The following KCNK2 variants were observed in gnomAD, a reference collection of about 807,000 sequenced individuals.
The protein encoded by KCNK2 is potassium two pore domain channel subfamily K member 2, also known as potassium channel subfamily K member 2.
KCNK2 carries 21 observed loss-of-function variants against 40.5 expected under a neutral mutation model. That is an observed-to-expected ratio of 0.52 (90% CI 0.37 to 0.75). KCNK2 has a LOEUF of 0.75. Among genes scored for constraint, KCNK2 ranks in the 30% least tolerant of loss-of-function variants. KCNK2 has a pLI of 0.00. For missense variants in KCNK2, 399 were observed against 531.6 expected (o/e 0.75, Z 2.45); for synonymous variants, 191 against 202.2 (o/e 0.94, Z 0.47).
chr1:215,017,793 A>G (rs1258082632), intron 1 of KCNK2, among the ~76,000 whole-genome samples: 1 of 152,198 alleles, frequency 6.6e-6, no homozygotes, highest in Non-Finnish European at 1.5e-5. Context: ...CTTTTCCACA[A>G]TGTATACATA....
chr1:215,009,918 T>C (rs918266452), intron 1 of KCNK2, among the ~76,000 whole-genome samples: 2 of 152,084 alleles, frequency 1.3e-5, no homozygotes, highest in African/African-American at 4.8e-5. Flanking sequence ...TACAAAGGAG[T>C]CAATTACAAA....
At chr1:215,146,304 T>C (rs539883899) in intron 3 of KCNK2, among the ~76,000 whole-genome samples, 1 of 152,270 alleles carries the variant, frequency 6.6e-6, no homozygotes, top group Admixed American at 6.5e-5. Flanking sequence ...TGAATGTATC[T>C]TGCTACCAAA....
chr1:215,174,581 C>T (rs1482481700), intron 5 of KCNK2, among the ~76,000 whole-genome samples: 1 of 152,082 alleles, frequency 6.6e-6, no homozygotes, highest in Non-Finnish European at 1.5e-5. Flanking sequence ...ATTTTCATGT[C>T]ATTGATTCTT....
In KCNK2 at chr1:215,149,360, G is replaced by C. The variant is rs147977014; in HGVS notation, c.476-19839G>C. ...GTGGTGATAGATGCCATGAGTGTTC[G>C]GGAGAAGGAAAAGATTAAGGTATTC... On this transcript the variant is annotated intron_variant, in intron 3 of 6. Coordinates refer to ENST00000444842, the MANE Select transcript of KCNK2 (RefSeq NM_001017425.3). Among the ~76,000 whole-genome samples the C allele has an allele frequency of 4.7e-3, 722 of 152,204 alleles. 10 individuals are homozygous for C. The highest frequency in any genetic ancestry group is 0.017 in the African/African-American group (695 of 41,534).
chr1:215,103,883 AG>A (rs1660324055), intron 2 of KCNK2, among the ~76,000 whole-genome samples: 1 of 152,034 alleles, frequency 6.6e-6, no homozygotes, highest in South Asian at 2.1e-4. Flanking sequence ...CCCCTGATTC[AG>A]GATTAAATTG....
At chr1:215,016,238 G>A (rs957020983) in intron 1 of KCNK2, among the ~76,000 whole-genome samples, 1 of 152,000 alleles carries the variant, frequency 6.6e-6, no homozygotes, top group Admixed American at 6.6e-5. Flanking sequence ...TTCAGAGCAT[G>A]AAGCATACGG....
chr1:215,230,607 A>AAG (rs1306585003), intron 6 of KCNK2, among the ~76,000 whole-genome samples: 1 of 105,154 alleles, frequency 9.5e-6, no homozygotes, highest in Non-Finnish European at 2.1e-5. Context: ...ATATATATAT[A>AAG]GCCGTATATA....
intron 1 of KCNK2, among the ~76,000 whole-genome samples, chr1:215,051,278 C>T (rs1657977861): frequency 6.6e-6 from 1 of 152,048 alleles, no homozygotes; most frequent in Admixed American, 6.6e-5. Flanking sequence ...ATGGAAGGAA[C>T]AAAGTGTACT....
chr1:215,124,582 A>T (rs1480985961), intron 2 of KCNK2, 51 bp from the exon 3 acceptor site: 1 of 1,013,924 alleles, frequency 9.9e-7, no homozygotes, highest in Non-Finnish European at 1.6e-6. Flanking sequence ...ATGCTGTTTG[A>T]TGCCTCTGTG....
At chr1:215,045,953 A>T (rs915830212) in intron 1 of KCNK2, among the ~76,000 whole-genome samples, 5 of 152,218 alleles carry the variant, frequency 3.3e-5, no homozygotes, top group African/African-American at 9.6e-5. Flanking sequence ...CACATAGTAT[A>T]TTGTAAAAAT....
chr1:215,029,744 A>C (rs938770003), intron 1 of KCNK2, among the ~76,000 whole-genome samples: 2 of 151,810 alleles, frequency 1.3e-5, no homozygotes, highest in African/African-American at 4.8e-5. Flanking sequence ...AAACAAATTA[A>C]TATCATTAAA....
At chr1:215,033,260 C>A (rs1657268660) in intron 1 of KCNK2, among the ~76,000 whole-genome samples, 1 of 146,868 alleles carries the variant, frequency 6.8e-6, no homozygotes, top group Non-Finnish European at 1.5e-5. Flanking sequence ...CTTATATTGT[C>A]TCTGTTCTTA....
At chr1:215,011,895 C>G (rs529412522) in intron 1 of KCNK2, among the ~76,000 whole-genome samples, 8 of 148,564 alleles carry the variant, frequency 5.4e-5, no homozygotes, top group African/African-American at 2.0e-4. Flanking sequence ...CGTGAGTCAC[C>G]GTGCCCGGCC....
intron 3 of KCNK2, among the ~76,000 whole-genome samples, chr1:215,150,779 C>T (rs183017328): frequency 1.3e-5 from 2 of 151,718 alleles, no homozygotes; most frequent in East Asian, 3.9e-4. Context: ...CAATATTCTC[C>T]TTTATTTACT....
intron 1 of KCNK2, among the ~76,000 whole-genome samples, chr1:215,084,212 A>T (rs1189792942): frequency 7.5e-6 from 1 of 134,170 alleles, no homozygotes; most frequent in Non-Finnish European, 1.6e-5. Context: ...ACACACACAC[A>T]CACACACTCT....
At chr1:215,220,146 GTTTAT>G (rs1666113196) in intron 6 of KCNK2, among the ~76,000 whole-genome samples, 1 of 152,128 alleles carries the variant, frequency 6.6e-6, no homozygotes, top group Non-Finnish European at 1.5e-5. Context: ...TTCCATATCT[GTTTAT>G]TTTATATCTA....
At chr1:215,229,211 T>G (rs1558149528) in intron 6 of KCNK2, among the ~76,000 whole-genome samples, 1 of 151,174 alleles carries the variant, frequency 6.6e-6, no homozygotes, top group Non-Finnish European at 1.5e-5. Context: ...GTTTTTCTTT[T>G]TTTTTTTTTT....
At chr1:215,150,104 G>A (rs957139082) in intron 3 of KCNK2, among the ~76,000 whole-genome samples, 2 of 152,302 alleles carry the variant, frequency 1.3e-5, no homozygotes, top group Non-Finnish European at 2.9e-5. Context: ...GCATGCAGGA[G>A]GGGTTCAGAT....
intron 6 of KCNK2, among the ~76,000 whole-genome samples, chr1:215,195,368 T>C (rs972355287): frequency 2.0e-5 from 3 of 151,952 alleles, no homozygotes; most frequent in African/African-American, 4.8e-5. Context: ...TATTTCTTTT[T>C]TTTTTTGTTT....
Sources: gnomAD v4.1 joint callset for allele counts (sites outside exome capture counted in the v4.1 genomes callset) on GRCh38, gnomAD v4.1.1 for gene constraint, MANE v1.5 for transcripts, NCBI Gene and HGNC (gene_info 2026-07-23, HGNC 2026-07-21) for gene names.